Variants in SLC25A43 observed in about 807,000 individuals in gnomAD.
The protein encoded by SLC25A43 is solute carrier family 25 member 43.
In SLC25A43, 10 loss-of-function variants were observed where a neutral mutation model predicts 22.8. The ratio of observed to expected loss-of-function variants is 0.44; its 90% CI spans 0.27 to 0.74. The LOEUF is 0.74. Among genes scored for constraint, SLC25A43 ranks in the 30% least tolerant of loss-of-function variants. SLC25A43 has a pLI of 0.17. For missense variants in SLC25A43, 233 were observed against 279.1 expected (o/e 0.83, Z 1.18); for synonymous variants, 106 against 121.6 (o/e 0.87, Z 0.84).
At chrX:119,432,785 A>T (rs1198627641) in intron 3 of SLC25A43, among the ~76,000 whole-genome samples, 1 of 8,815 alleles carries the variant, frequency 1.1e-4, no homozygotes, top group Non-Finnish European at 1.9e-4. Flanking sequence ...GAGATTCCAT[A>T]AAAAAAAAAA....
chrX:119,411,589 T>G (rs1225367495), intron 3 of SLC25A43, among the ~76,000 whole-genome samples: 1 of 111,634 alleles, frequency 9.0e-6, no homozygotes, highest in African/African-American at 3.3e-5. Flanking sequence ...AGTAATTGTC[T>G]TAGCCTAGAA....
chrX:119,425,061 GAGGA>G (rs2052491084), intron 3 of SLC25A43, among the ~76,000 whole-genome samples: 2 of 33,035 alleles, frequency 6.1e-5, no homozygotes, highest in South Asian at 1.4e-3. Context: ...AAGTTAGAGA[GAGGA>G]AAAAAAAAAA....
chrX:119,413,684 G>T (rs2052370938), intron 3 of SLC25A43, among the ~76,000 whole-genome samples: 1 of 104,458 alleles, frequency 9.6e-6, no homozygotes, highest in Admixed American at 1.0e-4. Context: ...TCCAGCCTGG[G>T]CGACAGAGCG....
At chrX:119,424,907 T>G (rs936429127) in intron 3 of SLC25A43, among the ~76,000 whole-genome samples, 1 of 111,966 alleles carries the variant, frequency 8.9e-6, no homozygotes, top group African/African-American at 3.2e-5. Flanking sequence ...ATGAGAGCTT[T>G]GCCTTCATGG....
In SLC25A43 at chrX:119,406,589, C is replaced by A; in HGVS notation, c.405C>A (p.Ile135=). Residue 135 remains isoleucine, a synonymous_variant, in exon 2 of 5, where the codon ATC becomes ATA. Transcript: ENST00000217909. ...CAGACCTCATCAAAACCCGGTTGATCATGCAGAACATACTGGAACCATCGT... is the reference window on the plus strand; with the variant it reads ...CAGACCTCATCAAAACCCGGTTGATAATGCAGAACATACTGGAACCATCGT... The part of the protein sequence containing the change: ...YPTDLIKTRL[I]MQNILEPSYR... 1 of 1,211,885 alleles carries A rather than the reference C, an allele frequency of 8.3e-7. No individual in the cohort carries two copies. Among genetic ancestry groups the A allele is most frequent in the Non-Finnish European group, 1.1e-6 (1 of 895,524 alleles).
rs2052399674 is a variant in SLC25A43, at chrX:119,416,186, A to G, written c.690+5824A>G. Among the ~76,000 whole-genome samples the G allele has an allele frequency of 3.7e-5, 4 of 109,038 alleles. No individual in the cohort carries two copies. In the South Asian group the frequency reaches 1.6e-3, roughly 45 times the overall value. 94.7% of individuals were successfully genotyped at this position (109,038 alleles called of 115,157 possible). On this transcript the variant is annotated intron_variant, in intron 3 of 4. Coordinates refer to ENST00000217909, the MANE Select transcript of SLC25A43 (RefSeq NM_145305.3). Reference sequence around the variant, plus strand: ...TGTTTATATCTATTCTAGGGTCTCTATCTTAATGACCATAACTTTAGAAAA... The same window carrying G: ...TGTTTATATCTATTCTAGGGTCTCTGTCTTAATGACCATAACTTTAGAAAA...
intron 3 of SLC25A43, among the ~76,000 whole-genome samples, chrX:119,420,390 C>T (rs1307981531): frequency 2.7e-5 from 3 of 109,378 alleles, no homozygotes; most frequent in South Asian, 4.0e-4. Flanking sequence ...CTCAACCTCC[C>T]GGGCCCAAGC....
chrX:119,404,559 T>C (rs2147251796), intron 1 of SLC25A43, among the ~76,000 whole-genome samples: 1 of 111,469 alleles, frequency 9.0e-6, no homozygotes, highest in East Asian at 2.8e-4. Context: ...ATCCAGAAGG[T>C]TCCCAAACCC....
intron 2 of SLC25A43, among the ~76,000 whole-genome samples, chrX:119,408,045 G>T (rs1042352603): frequency 9.0e-6 from 1 of 110,511 alleles, no homozygotes; most frequent in Admixed American, 9.7e-5. Context: ...ATCTCTCCAC[G>T]TGCAATTTCA....
At position 119,453,111 on chromosome X, in the gene SLC25A43, C is replaced by G. The variant is rs2052718326; in HGVS notation, c.*46C>G. On this transcript the variant is annotated 3_prime_UTR_variant, in exon 5 of 5. Transcript: ENST00000217909. ...GCACTGACTGACAGCATGTTGCAAT[C>G]ACAGATAAATGTAGCCTCATAACTG... The G allele has an allele frequency of 1.1e-5, 12 of 1,074,788 alleles. No individual in the cohort carries two copies. Among genetic ancestry groups the G allele is most frequent in the Non-Finnish European group, 1.5e-5 (12 of 774,612 alleles). The allele number at this position is 1,074,788 out of a possible 1,213,427, so 88.6% of individuals were successfully genotyped here.
chrX:119,414,070 T>C (rs1280321301), intron 3 of SLC25A43, among the ~76,000 whole-genome samples: 1 of 112,202 alleles, frequency 8.9e-6, no homozygotes, highest in Non-Finnish European at 1.9e-5. Context: ...TTCTAAACTC[T>C]CAATATTCAT....
Position 119,416,259 on chromosome X carries a change from G to A in SLC25A43, c.690+5897G>A, listed in dbSNP as rs1484411321. Among the ~76,000 whole-genome samples, 4 of 107,695 alleles carry A rather than the reference G, an allele frequency of 3.7e-5. No homozygotes were observed. The South Asian group carries it at 1.6e-3, about 44-fold the overall frequency. The allele number at this position is 107,695 out of a possible 115,157, so 93.5% of individuals were successfully genotyped here. A position where few individuals can be genotyped will look rare whatever the true frequency, so the allele number is the denominator to read the frequency against. On this transcript the variant is annotated intron_variant, in intron 3 of 4. Coordinates refer to ENST00000217909, the MANE Select transcript of SLC25A43 (RefSeq NM_145305.3). ...TTTTGAAATGGAGTCTCGCTCTGTCGCCCATGCTGGAGTGCAGTGGCGTGA... is the reference window on the plus strand; with the variant it reads ...TTTTGAAATGGAGTCTCGCTCTGTCACCCATGCTGGAGTGCAGTGGCGTGA...
At chrX:119,451,231 G>C (rs1249660896) in intron 3 of SLC25A43, among the ~76,000 whole-genome samples, 2 of 111,580 alleles carry the variant, frequency 1.8e-5, no homozygotes, top group African/African-American at 6.5e-5. Flanking sequence ...GTAATAATAG[G>C]GTTCCGTCAG....
chrX:119,433,969 T>C (rs749865072), intron 3 of SLC25A43, among the ~76,000 whole-genome samples: 4 of 111,958 alleles, frequency 3.6e-5, no homozygotes, highest in Non-Finnish European at 7.5e-5. Context: ...GGGAGTAACC[T>C]GATTAAATCG....
At chrX:119,415,830 G>A (rs1474188536) in intron 3 of SLC25A43, among the ~76,000 whole-genome samples, 1 of 108,297 alleles carries the variant, frequency 9.2e-6, no homozygotes, top group Admixed American at 1.0e-4. Context: ...GGTGAGACCC[G>A]TCTCCATAAA....
chrX:119,422,807 T>A (rs754209300), intron 3 of SLC25A43: 11 of 112,245 alleles, frequency 9.8e-5, no homozygotes, highest in Non-Finnish European at 2.1e-4. Flanking sequence ...GCAATCAGGT[T>A]CTATGCATCT....
chrX:119,426,817 A>AT (rs11448291), intron 3 of SLC25A43, among the ~76,000 whole-genome samples: 5 of 14,333 alleles, frequency 3.5e-4, no homozygotes, highest in Non-Finnish European at 8.1e-4. Flanking sequence ...AACTCTATTT[A>AT]AAAAAAAAAA....
chrX:119,404,173 A>AT (rs1469135342), intron 1 of SLC25A43, among the ~76,000 whole-genome samples: 7 of 109,159 alleles, frequency 6.4e-5, no homozygotes, highest in African/African-American at 2.3e-4. Context: ...AATTTTTGTA[A>AT]TTTTTTTACT....
At chrX:119,452,492 C>CAA (rs376677564) in intron 4 of SLC25A43, among the ~76,000 whole-genome samples, 56 of 66,031 alleles carry the variant, frequency 8.5e-4, no homozygotes, top group Middle Eastern at 8.4e-3. Context: ...AACTCCATGA[C>CAA]AAAAAAAAAA....
Sources: allele counts gnomAD v4.1 joint callset (sites outside exome capture counted in the v4.1 genomes callset), GRCh38; gene constraint gnomAD v4.1.1; transcripts MANE v1.5; gene names NCBI Gene and HGNC (gene_info 2026-07-23, HGNC 2026-07-21).